Variants in VSNL1 observed in about 807,000 individuals in gnomAD.
The protein encoded by VSNL1 is visinin-like protein 1.
Under a neutral mutation model 20.4 loss-of-function variants are expected in VSNL1, and 6 were observed. The observed-to-expected ratio is 0.29, with a 90% CI of 0.16 to 0.58. The LOEUF (loss-of-function observed/expected upper bound fraction) is 0.58, where lower values mean the gene tolerates loss of function less well. Ranked by LOEUF, VSNL1 falls within the 20% of genes least tolerant of loss-of-function variation. The probability of loss-of-function intolerance (pLI) is 0.90; values close to 1 mark genes in which losing one functional copy is unlikely to be tolerated. For missense variants in VSNL1, 100 were observed against 234.5 expected, an observed-to-expected ratio of 0.43 and a Z score of 3.75; for synonymous variants, 93 against 86.4, an observed-to-expected ratio of 1.08 and a Z score of -0.42.
intron 1 of VSNL1, among the ~76,000 whole-genome samples, chr2:17,545,295 CAG>C (rs747926189): frequency 1.7e-4 from 26 of 152,104 alleles, no homozygotes; most frequent in Admixed American, 6.5e-4. Context: ...ACTTGAATGA[CAG>C]AGAGAGACCC....
chr2:17,610,717 AT>A (rs1665063985), intron 2 of VSNL1, among the ~76,000 whole-genome samples: 1 of 152,188 alleles, frequency 6.6e-6, no homozygotes, highest in African/African-American at 2.4e-5. Flanking sequence ...AGAGAACATG[AT>A]GCGGATTGCG....
At chr2:17,593,342 T>C (rs1157876486) in intron 2 of VSNL1, among the ~76,000 whole-genome samples, 1 of 152,164 alleles carries the variant, frequency 6.6e-6, no homozygotes, top group Non-Finnish European at 1.5e-5. Flanking sequence ...TAACATTATA[T>C]AGCAGTCAAA....
chr2:17,633,246 G>T (rs985550487), intron 2 of VSNL1, among the ~76,000 whole-genome samples: 9 of 151,028 alleles, frequency 6.0e-5, no homozygotes, highest in African/African-American at 2.0e-4. Flanking sequence ...CCCTCCCACT[G>T]GGTCCCTCCC....
At chr2:17,639,981 G>C (rs1386822843) in intron 2 of VSNL1, among the ~76,000 whole-genome samples, 1 of 152,226 alleles carries the variant, frequency 6.6e-6, no homozygotes, top group African/African-American at 2.4e-5. Context: ...GGGTGTGTTG[G>C]CTTGCACCTG....
chr2:17,612,677 A>T (rs1013566317), intron 2 of VSNL1, among the ~76,000 whole-genome samples: 10 of 152,144 alleles, frequency 6.6e-5, no homozygotes, highest in African/African-American at 2.2e-4. Context: ...AGGAGGTGAG[A>T]CCAACATCTA....
rs79340245 is a variant in VSNL1 at position 17,556,649 on chromosome 2, G to A, written c.-6+15731G>A. On this transcript the variant is annotated intron_variant, in intron 1 of 3. Transcript: ENST00000295156. ...GTTATCATTGTTCACAGTGGCATATGTATAACTAAGTCCCACAGTTCTTTC... is the reference window on the plus strand; with the variant it reads ...GTTATCATTGTTCACAGTGGCATATATATAACTAAGTCCCACAGTTCTTTC... Among the ~76,000 whole-genome samples the A allele has an allele frequency of 3.2e-4, 49 of 152,312 alleles. 3 individuals are homozygous for A. In the East Asian group the frequency reaches 9.5e-3, roughly 29 times the overall value.
intron 1 of VSNL1, among the ~76,000 whole-genome samples, chr2:17,567,918 A>G (rs1033037872): frequency 2.6e-5 from 4 of 152,254 alleles, no homozygotes; most frequent in African/African-American, 9.6e-5. Context: ...CTTGATAGTG[A>G]TATTTTAAAT....
In VSNL1 at chr2:17,571,442, T is replaced by A. The variant is rs76380463; in HGVS notation, c.-5-20628T>A. Among the ~76,000 whole-genome samples, 8 of 152,332 alleles carry A rather than the reference T, an allele frequency of 5.3e-5. No individual in the cohort carries two copies. The East Asian group carries it at 1.5e-3, about 29-fold the overall frequency. On this transcript the variant is annotated intron_variant, in intron 1 of 3. Coordinates refer to ENST00000295156, the MANE Select transcript of VSNL1 (RefSeq NM_003385.5). ...GCAAGGTAGCTATAGGAATTTAAAG[T>A]TGACGTTTCTTTCAACCAAGTTGAC... is the stretch of plus-strand genomic sequence containing the variant.
chr2:17,554,802 TAA>T (rs1293418162), intron 1 of VSNL1, among the ~76,000 whole-genome samples: 1 of 152,214 alleles, frequency 6.6e-6, no homozygotes, highest in Admixed American at 6.5e-5. Flanking sequence ...AATCTATTAC[TAA>T]GTTATATTTT....
intron 2 of VSNL1, among the ~76,000 whole-genome samples, chr2:17,640,952 T>G (rs942692834): frequency 4.6e-5 from 7 of 152,262 alleles, no homozygotes; most frequent in African/African-American, 1.7e-4. Context: ...TAATTTTGTA[T>G]CAAATGTGTT....
intron 1 of VSNL1, among the ~76,000 whole-genome samples, chr2:17,590,714 G>A (rs1664576871): frequency 3.3e-5 from 5 of 152,104 alleles, no homozygotes; most frequent in Admixed American, 3.3e-4. Context: ...TTTAGGAGAA[G>A]TTAAAAAATC....
chr2:17,644,934 T>C (rs1382167106), intron 2 of VSNL1, among the ~76,000 whole-genome samples: 1 of 152,120 alleles, frequency 6.6e-6, no homozygotes, highest in Non-Finnish European at 1.5e-5. Context: ...CCAGGCAAAA[T>C]AGGCCTTTGA....
intron 1 of VSNL1, among the ~76,000 whole-genome samples, chr2:17,591,498 G>C (rs1029994249): frequency 2.6e-5 from 4 of 152,170 alleles, no homozygotes; most frequent in African/African-American, 9.7e-5. Flanking sequence ...AATTATGAGA[G>C]GAGAAATAGA....
chr2:17,590,146 T>C lies in VSNL1; in HGVS notation c.-5-1924T>C, dbSNP rs78611234. On this transcript the variant is annotated intron_variant, in intron 1 of 3. Coordinates refer to ENST00000295156, the MANE Select transcript of VSNL1 (RefSeq NM_003385.5). ...GTGATTGCTGAGCAGGAGATGAAAT[T>C]TGTGAGGTGTTCCATTAAGTGCCTT... Among the ~76,000 whole-genome samples the C allele has an allele frequency of 4.1e-3, 631 of 152,290 alleles. 6 individuals are homozygous for C. Among genetic ancestry groups the C allele is most frequent in the African/African-American group, 0.014 (585 of 41,560 alleles).
chr2:17,546,945 T>TGTGA (rs1305723965), intron 1 of VSNL1, among the ~76,000 whole-genome samples: 1 of 152,002 alleles, frequency 6.6e-6, no homozygotes, highest in Non-Finnish European at 1.5e-5. Flanking sequence ...GAAAGGAAAT[T>TGTGA]GTGAAGTAAA....
At chr2:17,563,111 G>A (rs1344267046) in intron 1 of VSNL1, among the ~76,000 whole-genome samples, 1 of 152,156 alleles carries the variant, frequency 6.6e-6, no homozygotes, top group African/African-American at 2.4e-5. Context: ...TAACCAATAT[G>A]CTCAATATAT....
intron 2 of VSNL1, among the ~76,000 whole-genome samples, chr2:17,593,977 G>A (rs965187822): frequency 6.6e-6 from 1 of 152,210 alleles, no homozygotes; most frequent in Non-Finnish European, 1.5e-5. Context: ...CATGCAAGCT[G>A]TCACCCTATG....
chr2:17,597,598 G>T (rs1390732158), intron 2 of VSNL1, among the ~76,000 whole-genome samples: 2 of 152,140 alleles, frequency 1.3e-5, no homozygotes, highest in Non-Finnish European at 2.9e-5. Flanking sequence ...AAATATATTT[G>T]CATATAACAA....
rs908791875 is a variant in VSNL1, at chr2:17,649,176, CAT to C, written c.163-233_163-232del. Among the ~76,000 whole-genome samples the C allele has an allele frequency of 3.9e-5, 6 of 152,198 alleles. No individual in the cohort carries two copies. The highest frequency in any genetic ancestry group is 1.4e-4 in the African/African-American group (6 of 41,450). Reference sequence around the variant, plus strand: ...TCCAAGCCCCATCAACTGAAAGCCACATGTCACCAGCCTCACCCACAGGAAAC... The same window carrying C: ...TCCAAGCCCCATCAACTGAAAGCCACGTCACCAGCCTCACCCACAGGAAAC... On this transcript the variant is annotated intron_variant, in intron 2 of 3. Coordinates refer to ENST00000295156, the MANE Select transcript of VSNL1 (RefSeq NM_003385.5). The surrounding 1 kb of genome is among the most constrained non-coding windows in gnomAD (Gnocchi z 6.4).
Sources: gnomAD v4.1 joint callset for allele counts (sites outside exome capture counted in the v4.1 genomes callset) on GRCh38, gnomAD v4.1.1 for gene constraint, Gnocchi (gnomAD v3.1) non-coding constraint, MANE v1.5 for transcripts, NCBI Gene and HGNC (gene_info 2026-07-23, HGNC 2026-07-21) for gene names.